SMIM35: variants seen among roughly 807,000 people sequenced by gnomAD.
The protein encoded by SMIM35 is small integral membrane protein 35, also known as TMPRSS4 antisense RNA 1 (non-protein coding).
At chr11:118,018,303 T>A (rs895162115) in intron 1 of SMIM35, among the ~76,000 whole-genome samples, 2 of 152,092 alleles carry the variant, frequency 1.3e-5, no homozygotes, top group African/African-American at 2.4e-5. Context: ...CATGACCCAA[T>A]GTTTTAAAAG....
chr11:118,067,452 CA>C (rs1023314006), intron 1 of SMIM35: 2 of 152,080 alleles, frequency 1.3e-5, no homozygotes, highest in Admixed American at 6.6e-5. Flanking sequence ...TGGAGCACCT[CA>C]AAACTCCCGT....
chr11:118,033,832 A>G (rs2058337790), intron 1 of SMIM35, among the ~76,000 whole-genome samples: 1 of 152,216 alleles, frequency 6.6e-6, no homozygotes, highest in African/African-American at 2.4e-5. Flanking sequence ...CTTGTGCCAA[A>G]CAGATGTGAA....
intron 1 of SMIM35, among the ~76,000 whole-genome samples, chr11:118,024,159 C>G (rs922464259): frequency 3.9e-5 from 6 of 152,076 alleles, no homozygotes; most frequent in African/African-American, 1.2e-4. Context: ...ATATGGCCAA[C>G]AATTTTCCAA....
intron 1 of SMIM35, among the ~76,000 whole-genome samples, chr11:118,076,105 T>C (rs368708981): frequency 1.3e-5 from 2 of 152,036 alleles, no homozygotes; most frequent in Admixed American, 6.6e-5. Flanking sequence ...CCATCTCTAC[T>C]AAAAATACAA....
intron 1 of SMIM35, among the ~76,000 whole-genome samples, chr11:118,066,633 A>G (rs61900593): frequency 0.29 from 43,372 of 151,994 alleles, 6,519 homozygotes; most frequent in Non-Finnish European, 0.33. Context: ...TACACCCTGA[A>G]AGACAGAGTA....
At chr11:118,045,424 A>G (rs1296020595) in intron 1 of SMIM35, among the ~76,000 whole-genome samples, 1 of 152,064 alleles carries the variant, frequency 6.6e-6, no homozygotes, top group Non-Finnish European at 1.5e-5. Context: ...AAGTCAGGGC[A>G]GGTGTAAAGC....
chr11:118,009,931 C>A (rs2058141981), intron 4 of SMIM35, among the ~76,000 whole-genome samples: 1 of 152,200 alleles, frequency 6.6e-6, no homozygotes, highest in Non-Finnish European at 1.5e-5. Flanking sequence ...CATCCTTACG[C>A]CCTGATGTCA....
chr11:118,081,026 G>T (rs1183592676), intron 1 of SMIM35, among the ~76,000 whole-genome samples: 1 of 152,232 alleles, frequency 6.6e-6, no homozygotes, highest in Non-Finnish European at 1.5e-5. Context: ...GACAGGGTCT[G>T]TGTCTTTTCT....
At chr11:118,068,129 T>C (rs1353119677) in intron 1 of SMIM35, among the ~76,000 whole-genome samples, 2 of 151,806 alleles carry the variant, frequency 1.3e-5, no homozygotes, top group South Asian at 2.1e-4. Flanking sequence ...ACTGGAGCCA[T>C]GTATGATTCA....
At chr11:118,084,655 A>G (rs1372984931) in intron 1 of SMIM35, among the ~76,000 whole-genome samples, 1 of 152,162 alleles carries the variant, frequency 6.6e-6, no homozygotes. Flanking sequence ...TCTGCTCTCC[A>G]TGCCTGTAGG....
intron 1 of SMIM35, among the ~76,000 whole-genome samples, chr11:118,069,548 G>C (rs937681588): frequency 2.0e-5 from 3 of 152,138 alleles, no homozygotes; most frequent in African/African-American, 7.2e-5. Context: ...GATCTCCCAG[G>C]GAGCTCAGTA....
At chr11:118,053,645 A>G (rs1944259150) in intron 1 of SMIM35, among the ~76,000 whole-genome samples, 1 of 152,186 alleles carries the variant, frequency 6.6e-6, no homozygotes, top group African/African-American at 2.4e-5. Flanking sequence ...TTCCTTGGAC[A>G]TCCAGCATAG....
intron 1 of SMIM35, among the ~76,000 whole-genome samples, chr11:118,044,378 A>G (rs1479783267): frequency 6.6e-6 from 1 of 151,516 alleles, no homozygotes; most frequent in African/African-American, 2.4e-5. Context: ...TAATGGTGGC[A>G]TTATGCACCT....
chr11:118,086,166 G>A (rs1302421099), intron 1 of SMIM35, among the ~76,000 whole-genome samples: 2 of 152,206 alleles, frequency 1.3e-5, no homozygotes, highest in African/African-American at 4.8e-5. Flanking sequence ...TGTGAAATAG[G>A]AATAGTTACA....
At chr11:118,035,420 G>C (rs1168235826) in intron 1 of SMIM35, among the ~76,000 whole-genome samples, 2 of 152,302 alleles carry the variant, frequency 1.3e-5, no homozygotes, top group South Asian at 4.1e-4. Context: ...AGTGGTCAAG[G>C]CACATAGGAG....
chr11:118,020,268 C>T lies in SMIM35; in HGVS notation c.8-4459G>A, dbSNP rs2058216843. Reference sequence around the variant, plus strand: ...GTGAGAGAGCGAGACTCCATCATAACTAACTGACTAAATAAATAAATATAT... The same window carrying T: ...GTGAGAGAGCGAGACTCCATCATAATTAACTGACTAAATAAATAAATATAT... On this transcript the variant is annotated intron_variant, in intron 1 of 4. Transcript: ENST00000689828. 2.0e-5 allele frequency among the ~76,000 whole-genome samples: 3 copies of T among 152,108 alleles called. No individual in the cohort carries two copies. In the South Asian group the frequency reaches 6.2e-4, roughly 31 times the overall value.
At chr11:118,024,260 T>C (rs2058255760) in intron 1 of SMIM35, among the ~76,000 whole-genome samples, 1 of 152,216 alleles carries the variant, frequency 6.6e-6, no homozygotes, top group Non-Finnish European at 1.5e-5. Flanking sequence ...CATAACTCTT[T>C]TTTTATTACA....
At chr11:118,084,898 T>G (rs1261498843) in intron 1 of SMIM35, among the ~76,000 whole-genome samples, 1 of 152,180 alleles carries the variant, frequency 6.6e-6, no homozygotes, top group Non-Finnish European at 1.5e-5. Flanking sequence ...TGTCCCTGCC[T>G]CAGAGTTCAG....
At chr11:118,032,237 A>G (rs1455071888) in intron 1 of SMIM35, among the ~76,000 whole-genome samples, 2 of 152,244 alleles carry the variant, frequency 1.3e-5, no homozygotes, top group African/African-American at 4.8e-5. Context: ...CTATCGGGGC[A>G]ACTGACAAAA....
Sources: gnomAD v4.1 joint callset for allele counts (sites outside exome capture counted in the v4.1 genomes callset) on GRCh38, gnomAD v4.1.1 for gene constraint, MANE v1.5 for transcripts, NCBI Gene and HGNC (gene_info 2026-07-23, HGNC 2026-07-21) for gene names.